The following GALNT17 variants were observed in gnomAD, a reference collection of about 807,000 sequenced individuals.
GALNT17 encodes polypeptide N-acetylgalactosaminyltransferase 17.
Under a neutral mutation model 63.7 loss-of-function variants are expected in GALNT17, and 29 were observed. That is an observed-to-expected ratio of 0.46 (90% confidence interval 0.34 to 0.62). GALNT17 has a LOEUF of 0.62. Among genes scored for constraint, GALNT17 ranks in the 20% least tolerant of loss-of-function variants. GALNT17 has a pLI of 0.01. For synonymous variants in GALNT17, 305 were observed against 318.3 expected, an observed-to-expected ratio of 0.96 and a Z score of 0.45; for missense variants, 603 against 799.6, an observed-to-expected ratio of 0.75 and a Z score of 2.97.
intron 5 of GALNT17, among the ~76,000 whole-genome samples, chr7:71,423,330 C>A (rs1786700698): frequency 6.6e-6 from 1 of 152,138 alleles, no homozygotes; most frequent in African/African-American, 2.4e-5. Context: ...TCTCTGGAAC[C>A]TGTGAATGGT....
Position 71,136,738 on chromosome 7 carries a change from G to A in GALNT17, c.238+3698G>A, listed in dbSNP as rs529164891. On this transcript the variant is annotated intron_variant, in intron 1 of 10. Transcript: ENST00000333538. Reference sequence around the variant, plus strand: ...GACCTCAAGTGATCCTCCTGTTTCGGCCTCCCAAAGTGCTGGGATTACAGG... The same window carrying A: ...GACCTCAAGTGATCCTCCTGTTTCGACCTCCCAAAGTGCTGGGATTACAGG... 3.9e-5 allele frequency among the ~76,000 whole-genome samples: 6 copies of A among 151,926 alleles called. No individual in the cohort carries two copies. In the South Asian group the frequency reaches 6.2e-4, roughly 16 times the overall value.
At position 71,274,225 on chromosome 7, in the gene GALNT17, G is replaced by A. The variant is rs556515749; in HGVS notation, c.239-61325G>A. On this transcript the variant is annotated intron_variant, in intron 1 of 10. Transcript: ENST00000333538. ...AAATATTTAACAGTAGGCTCTGGGGGAGCTGGCTTCAGCACACCACTCATT... is the reference window on the plus strand; with the variant it reads ...AAATATTTAACAGTAGGCTCTGGGGAAGCTGGCTTCAGCACACCACTCATT... 2.0e-5 allele frequency among the ~76,000 whole-genome samples: 3 copies of A among 152,314 alleles called. No homozygotes were observed. The East Asian group carries it at 5.8e-4, about 29-fold the overall frequency.
intron 1 of GALNT17, among the ~76,000 whole-genome samples, chr7:71,262,134 C>T (rs1419599050): frequency 1.3e-5 from 2 of 151,968 alleles, no homozygotes; most frequent in African/African-American, 4.8e-5. Flanking sequence ...TTTTTGTAGG[C>T]GAGATCTTGC....
chr7:71,409,017 AACACACACACACAC>A (rs10674037), intron 3 of GALNT17, among the ~76,000 whole-genome samples: 109 of 144,944 alleles, frequency 7.5e-4, no homozygotes, highest in Admixed American at 3.0e-3. Context: ...CACATACACA[AACACACACACACAC>A]ACACACACAC....
chr7:71,482,081 A>ATGTGTG (rs10678512), intron 5 of GALNT17, among the ~76,000 whole-genome samples: 1,483 of 138,218 alleles, frequency 0.011, 27 homozygotes, highest in African/African-American at 0.038. Flanking sequence ...ATATATGTAT[A>ATGTGTG]TGTGTGTGTG....
chr7:71,154,544 G>A (rs139744580), intron 1 of GALNT17, among the ~76,000 whole-genome samples: 266 of 152,262 alleles, frequency 1.7e-3, no homozygotes, highest in African/African-American at 6.2e-3. Context: ...CATGCTAACC[G>A]TAATAAATGT....
chr7:71,661,348 A>G (rs1405646152), intron 6 of GALNT17, among the ~76,000 whole-genome samples: 5 of 152,046 alleles, frequency 3.3e-5, no homozygotes, highest in African/African-American at 1.2e-4. Flanking sequence ...TAAGCTGATG[A>G]GGGAGTTGGT....
chr7:71,685,303 G>A (rs974468613), intron 9 of GALNT17: 4 of 152,252 alleles, frequency 2.6e-5, no homozygotes, highest in East Asian at 3.9e-4. Context: ...GAGATCCTCC[G>A]GTGCTAGGAT....
intron 5 of GALNT17, among the ~76,000 whole-genome samples, chr7:71,436,042 A>AC (rs1786957080): frequency 7.0e-6 from 1 of 143,176 alleles, no homozygotes; most frequent in South Asian, 2.6e-4. Flanking sequence ...AAAAAAAAAA[A>AC]CAACTCTGAT....
chr7:71,502,408 A>T (rs549897000), intron 5 of GALNT17, among the ~76,000 whole-genome samples: 66 of 152,188 alleles, frequency 4.3e-4, no homozygotes, highest in African/African-American at 1.6e-3. Context: ...TTGCTGCCTG[A>T]CCTTCTGGGT....
At chr7:71,154,481 G>A (rs1788194268) in intron 1 of GALNT17, among the ~76,000 whole-genome samples, 1 of 152,194 alleles carries the variant, frequency 6.6e-6, no homozygotes, top group Admixed American at 6.5e-5. Context: ...TAACCAGTTG[G>A]AACATGAGGT....
chr7:71,695,820 G>T (rs1404738958), intron 9 of GALNT17, among the ~76,000 whole-genome samples: 2 of 152,164 alleles, frequency 1.3e-5, no homozygotes, highest in African/African-American at 4.8e-5. Flanking sequence ...ATCTTCTCAG[G>T]CCTGTATCCT....
At chr7:71,694,048 A>G (rs750137211) in intron 9 of GALNT17, among the ~76,000 whole-genome samples, 1 of 152,296 alleles carries the variant, frequency 6.6e-6, no homozygotes, top group Non-Finnish European at 1.5e-5. Flanking sequence ...TCACAGTTCC[A>G]CGTGGCTGGG....
At chr7:71,441,968 A>C (rs1787075728) in intron 5 of GALNT17, among the ~76,000 whole-genome samples, 1 of 152,174 alleles carries the variant, frequency 6.6e-6, no homozygotes. Flanking sequence ...TCTTTATAGT[A>C]GAATGATGTA....
chr7:71,324,712 A>G (rs1425725935), intron 1 of GALNT17, among the ~76,000 whole-genome samples: 4 of 152,040 alleles, frequency 2.6e-5, no homozygotes, highest in Non-Finnish European at 4.4e-5. Flanking sequence ...AAAATATTAT[A>G]TTTATTAATT....
intron 1 of GALNT17, among the ~76,000 whole-genome samples, chr7:71,148,153 CATTT>C (rs1276083458): frequency 3.3e-5 from 5 of 152,182 alleles, no homozygotes; most frequent in Non-Finnish European, 7.3e-5. Flanking sequence ...CTCTCTGTGT[CATTT>C]AGGAATTAAT....
chr7:71,589,894 A>G (rs1789773063), intron 6 of GALNT17, among the ~76,000 whole-genome samples: 1 of 152,212 alleles, frequency 6.6e-6, no homozygotes. Flanking sequence ...TAACTGTGAC[A>G]ATATTGCAGA....
chr7:71,595,603 G>A (rs150379924), intron 6 of GALNT17, among the ~76,000 whole-genome samples: 5 of 151,422 alleles, frequency 3.3e-5, no homozygotes, highest in East Asian at 1.9e-4. Flanking sequence ...CTTTGAAGAC[G>A]CCATCCTTCA....
chr7:71,175,182 A>G (rs940206616), intron 1 of GALNT17, among the ~76,000 whole-genome samples: 2 of 151,214 alleles, frequency 1.3e-5, no homozygotes, highest in African/African-American at 2.4e-5. Context: ...CTTTCCATCT[A>G]TCCATCCGTC....
Sources: allele counts gnomAD v4.1 joint callset (sites outside exome capture counted in the v4.1 genomes callset), GRCh38; gene constraint gnomAD v4.1.1; transcripts MANE v1.5; gene names NCBI Gene and HGNC (gene_info 2026-07-23, HGNC 2026-07-21).